The following TMCC2 variants were observed in gnomAD, a reference collection of about 807,000 sequenced individuals.
The protein encoded by TMCC2 is transmembrane and coiled-coil domain family 2, also known as transmembrane and coiled-coil domains protein 2.
A neutral mutation model predicts 49.4 loss-of-function variants in TMCC2; 16 were observed. The observed-to-expected ratio is 0.32, with a 90% confidence interval of 0.22 to 0.49. The LOEUF (loss-of-function observed/expected upper bound fraction) is 0.49. TMCC2 is among the 20% of genes least tolerant of loss of function. The probability of loss-of-function intolerance (pLI) is 0.99; values close to 1 mark genes in which losing one functional copy is unlikely to be tolerated. For missense variants in TMCC2, 762 were observed against 989.8 expected (o/e 0.77, Z 3.09); for synonymous variants, 397 against 434.1 (o/e 0.91, Z 1.06).
intron 1 of TMCC2, among the ~76,000 whole-genome samples, chr1:205,237,368 G>C (rs1304722119): frequency 6.6e-6 from 1 of 152,168 alleles, no homozygotes; most frequent in African/African-American, 2.4e-5. Flanking sequence ...GAATGTTGGC[G>C]ACCTAGGCTG....
At position 205,241,315 on chromosome 1, in the gene TMCC2, G is replaced by A. The variant is rs1275218514; in HGVS notation, c.208-190G>A. ...CACTTCTTTCGGAATGAAAGGATGG[G>A]TCTGGGTTGCCACCTTTTCGCAAAC... On this transcript the variant is annotated intron_variant, in intron 1 of 4. Coordinates refer to ENST00000358024, the MANE Select transcript of TMCC2 (RefSeq NM_014858.4). This position sits in a 1 kb window ranked among gnomAD's most constrained non-coding sequence, Gnocchi z 7.3. Among the ~76,000 whole-genome samples, 4 of 152,174 alleles carry A rather than the reference G, an allele frequency of 2.6e-5. No homozygotes were observed. The highest frequency in any genetic ancestry group is 7.2e-5 in the African/African-American group (3 of 41,430).
chr1:205,257,058 G>A (rs1660900487), intron 2 of TMCC2: 3 of 779,818 alleles, frequency 3.8e-6, no homozygotes, highest in South Asian at 1.4e-4. Flanking sequence ...TTGTGGAGGG[G>A]CATCTCATCA....
Position 205,241,407 on chromosome 1 carries a change from C to A in TMCC2, c.208-98C>A, listed in dbSNP as rs1660256983. On this transcript the variant is annotated intron_variant, in intron 1 of 4. Coordinates refer to ENST00000358024, the MANE Select transcript of TMCC2 (RefSeq NM_014858.4). The surrounding 1 kb of genome is among the most constrained non-coding windows in gnomAD (Gnocchi z 7.3). ...GGTTCAGATGGCTGCATTAGCTATG[C>A]CAGTCTACCAAGGACAGACCCTTCA... 3.9e-6 allele frequency: 5 copies of A among 1,277,048 alleles called. No individual in the cohort carries two copies. Among genetic ancestry groups the A allele is most frequent in the South Asian group, 1.5e-5 (1 of 68,296 alleles). The allele number at this position is 1,277,048 out of a possible 1,614,324, so 79.1% of individuals were successfully genotyped here. A position where few individuals can be genotyped will look rare whatever the true frequency, so the allele number is the denominator to read the frequency against.
Position 205,272,413 on chromosome 1 carries a change from G to T in TMCC2, c.*289G>T. 2.1e-6 allele frequency: 1 copy of T among 470,914 alleles called. No individual in the cohort carries two copies. The highest frequency in any genetic ancestry group is 3.7e-6 in the Non-Finnish European group (1 of 269,652). 29.2% of individuals were successfully genotyped at this position (470,914 alleles called of 1,614,324 possible). On this transcript the variant is annotated 3_prime_UTR_variant, in exon 5 of 5. Transcript: ENST00000358024. The stretch of plus-strand genomic sequence containing the variant: ...TTTTGATTATTTATAGTTACACAAG[G>T]ACTTCTCCCAGCTGACCCTCAGGAT...
intron 1 of TMCC2, among the ~76,000 whole-genome samples, chr1:205,235,390 T>C (rs181987352): frequency 6.6e-6 from 1 of 152,332 alleles, no homozygotes; most frequent in East Asian, 1.9e-4. Flanking sequence ...TGTGCTTCTT[T>C]TTGTGTATCT....
At chr1:205,255,336 C>T (rs941203319) in intron 2 of TMCC2, among the ~76,000 whole-genome samples, 3 of 151,920 alleles carry the variant, frequency 2.0e-5, no homozygotes, top group African/African-American at 7.3e-5. Flanking sequence ...GGGTGGATCA[C>T]GAGGTCAAGA....
In TMCC2 at chr1:205,272,257, C is replaced by T; in HGVS notation, c.*133C>T. On this transcript the variant is annotated 3_prime_UTR_variant, in exon 5 of 5. Transcript: ENST00000358024. ...TGTCCATTCCAGCAGCTCCTGCCCC[C>T]TTCTCTGTACTTGCTTCTGTCTGAC... 7.0e-7 allele frequency: 1 copy of T among 1,433,518 alleles called. No homozygotes were observed. The highest frequency in any genetic ancestry group is 9.2e-7 in the Non-Finnish European group (1 of 1,089,312). The allele number at this position is 1,433,518 out of a possible 1,614,324, so 88.8% of individuals were successfully genotyped here.
chr1:205,266,740 C>T lies in TMCC2; in HGVS notation c.748-2210C>T, dbSNP rs186024964. On this transcript the variant is annotated intron_variant, in intron 2 of 4. Coordinates refer to ENST00000358024, the MANE Select transcript of TMCC2 (RefSeq NM_014858.4). ...TTCTCCCAGGGGAAAAAAGGGATTACGCTGCCTAGATTCAGATTCAGCGTT... is the reference window on the plus strand; with the variant it reads ...TTCTCCCAGGGGAAAAAAGGGATTATGCTGCCTAGATTCAGATTCAGCGTT... Among the ~76,000 whole-genome samples, 6 of 152,182 alleles carry T rather than the reference C, an allele frequency of 3.9e-5. No homozygotes were observed. In the East Asian group the frequency reaches 5.8e-4, roughly 15 times the overall value.
At chr1:205,271,705 GGA>G in intron 4 of TMCC2, 106 bp from the exon 5 acceptor site, 1 of 1,423,196 alleles carries the variant, frequency 7.0e-7, no homozygotes. Context: ...CCTGGCCTTT[GGA>G]GAGGAGACTT....
chr1:205,229,637 C>G, intron 1 of TMCC2: 7 of 982,616 alleles, frequency 7.1e-6, no homozygotes, highest in Non-Finnish European at 8.4e-6. Flanking sequence ...TTGGAGATCT[C>G]TGCCTGCCTG....
At chr1:205,229,320 C>G (rs1659689049) in intron 1 of TMCC2, among the ~76,000 whole-genome samples, 1 of 151,878 alleles carries the variant, frequency 6.6e-6, no homozygotes, top group Non-Finnish European at 1.5e-5. Flanking sequence ...TCCAGAGTAG[C>G]TGGGATTACA....
Position 205,255,290 on chromosome 1 carries a change from C to T in TMCC2, c.747+13246C>T, listed in dbSNP as rs537019585. 1.1e-3 allele frequency among the ~76,000 whole-genome samples: 170 copies of T among 151,668 alleles called. 1 individual carries two copies. The highest frequency in any genetic ancestry group is 1.7e-3 in the Non-Finnish European group (115 of 67,992). ...GGTATCTTGGCCGGGTGCAGTGGCT[C>T]ATGCCTGTAATCCCAGCATTTTGGG... is the stretch of plus-strand genomic sequence containing the variant. On this transcript the variant is annotated intron_variant, in intron 2 of 4. Transcript: ENST00000358024.
chr1:205,241,109 G>A lies in TMCC2; in HGVS notation c.208-396G>A, dbSNP rs903262894. ...AAGAACTAGTACAGCTTGAAGGGTC[G>A]TCTAACTTGGAAGGAGGGAAGGACT... On this transcript the variant is annotated intron_variant, in intron 1 of 4. Transcript: ENST00000358024. The surrounding 1 kb of genome is among the most constrained non-coding windows in gnomAD (Gnocchi z 7.3). 4.6e-5 allele frequency among the ~76,000 whole-genome samples: 7 copies of A among 152,082 alleles called. No homozygotes were observed. The highest frequency in any genetic ancestry group is 7.2e-5 in the African/African-American group (3 of 41,390).
intron 2 of TMCC2, among the ~76,000 whole-genome samples, chr1:205,246,309 G>C (rs942577332): frequency 7.5e-6 from 1 of 132,948 alleles, no homozygotes. Flanking sequence ...AGGTGGGGGC[G>C]GGGGGTGGGG....
At chr1:205,242,136 T>C in intron 2 of TMCC2, 92 bp downstream of exon 2, 2 of 1,372,364 alleles carry the variant, frequency 1.5e-6, no homozygotes, top group South Asian at 3.0e-5. Context: ...CCAGGGGCCC[T>C]CCCTGGCAGA....
At position 205,269,885 on chromosome 1, in the gene TMCC2, G is replaced by A; in HGVS notation, c.1682+1G>A. 1 of 1,609,056 alleles carries A rather than the reference G, an allele frequency of 6.2e-7. No individual in the cohort carries two copies. Among genetic ancestry groups the A allele is most frequent in the Non-Finnish European group, 8.5e-7 (1 of 1,176,964 alleles). On this transcript the variant is annotated splice_donor_variant, in intron 3 of 4. Transcript: ENST00000358024. LOFTEE classifies it high-confidence loss of function. The stretch of plus-strand genomic sequence containing the variant: ...AGTGCCTGCAGGAGGAGCGCTACAG[G>A]TAGGTGCCTGCCCACCCCCTCCTGC...
At chr1:205,244,451 C>G (rs1660383864) in intron 2 of TMCC2, among the ~76,000 whole-genome samples, 1 of 152,000 alleles carries the variant, frequency 6.6e-6, no homozygotes, top group African/African-American at 2.4e-5. Context: ...ACCAAAGGTG[C>G]AAGTGTTTAT....
intron 1 of TMCC2, among the ~76,000 whole-genome samples, chr1:205,232,136 T>C (rs9663064): frequency 6.6e-6 from 1 of 152,176 alleles, no homozygotes; most frequent in African/African-American, 2.4e-5. Context: ...ACACTGTAAA[T>C]TTCTGCTACA....
rs528231594 is a variant in TMCC2 at position 205,228,361 on chromosome 1, A to G, written c.-204A>G. The G allele has an allele frequency of 1.3e-5, 7 of 532,850 alleles. No individual in the cohort carries two copies. The highest frequency in any genetic ancestry group is 1.2e-4 in the Admixed American group (4 of 32,240). The allele number at this position is 532,850 out of a possible 1,614,324, so 33.0% of individuals were successfully genotyped here. A position where few individuals can be genotyped will look rare whatever the true frequency, so the allele number is the denominator to read the frequency against. ...CCCCAGGTCGAAATGAACTATTCCAAGCTATAACCAAGGCTCCCCCTTCTC... is the reference window on the plus strand; with the variant it reads ...CCCCAGGTCGAAATGAACTATTCCAGGCTATAACCAAGGCTCCCCCTTCTC... On this transcript the variant is annotated 5_prime_UTR_variant, in exon 1 of 5. Coordinates refer to ENST00000358024, the MANE Select transcript of TMCC2 (RefSeq NM_014858.4).
Sources: gnomAD v4.1 joint callset for allele counts (sites outside exome capture counted in the v4.1 genomes callset) on GRCh38, gnomAD v4.1.1 for gene constraint, Gnocchi (gnomAD v3.1) non-coding constraint, MANE v1.5 for transcripts, NCBI Gene and HGNC (gene_info 2026-07-23, HGNC 2026-07-21) for gene names.